The following ZMIZ2 variants were observed in gnomAD, a reference collection of about 807,000 sequenced individuals.
ZMIZ2 encodes the protein zinc finger MIZ-type containing 2, also known as zinc finger MIZ domain-containing protein 2.
ZMIZ2 carries 26 observed loss-of-function variants against 93.9 expected under a neutral mutation model. The ratio of observed to expected loss-of-function variants is 0.28; its 90% CI spans 0.20 to 0.38. ZMIZ2 has a LOEUF of 0.38. Among genes scored for constraint, ZMIZ2 ranks in the 10% least tolerant of loss-of-function variants. The pLI is 1.00. For missense variants in ZMIZ2, 1,023 were observed against 1,235.0 expected (o/e 0.83, Z 2.57); for synonymous variants, 485 against 516.4 (o/e 0.94, Z 0.82).
intron 11 of ZMIZ2, 61 bp from the exon 12 acceptor site, chr7:44,762,820 A>C: frequency 1.5e-6 from 2 of 1,326,128 alleles, no homozygotes; most frequent in Non-Finnish European, 2.0e-6. Context: ...CACACCCTTT[A>C]CCTGGCCAGG....
chr7:44,760,339 A>G (rs1161366441), intron 8 of ZMIZ2, 86 bp from the exon 9 acceptor site: 1 of 1,576,888 alleles, frequency 6.3e-7, no homozygotes, highest in Non-Finnish European at 8.6e-7. Context: ...CTCTGTTATC[A>G]TGGTTCCCAG....
Position 44,760,229 on chromosome 7 carries a change from G to A in ZMIZ2, c.1071+1G>A. 6.2e-7 allele frequency: 1 copy of A among 1,611,178 alleles called. No homozygotes were observed. Among genetic ancestry groups the A allele is most frequent in the Non-Finnish European group, 8.5e-7 (1 of 1,178,560 alleles). On this transcript the variant is annotated splice_donor_variant, in intron 8 of 18. Coordinates refer to ENST00000309315, the MANE Select transcript of ZMIZ2 (RefSeq NM_031449.4). LOFTEE classifies it high-confidence loss of function. ...CTACAGCCAACCTGGCCTGAGTGGG[G>A]TAGGGGGCCTGGCCGGGAGGATGGG...
In ZMIZ2 at chr7:44,756,519, G is replaced by A. The variant is rs918274345; in HGVS notation, c.145G>A (p.Gly49Ser). Residue 49 changes from glycine to serine, a missense_variant, in exon 3 of 19, where the codon GGC (glycine) becomes AGC (serine). Physicochemically the swap from Gly to Ser is moderately conservative, Grantham distance 56 (BLOSUM62 0). Coordinates refer to ENST00000309315, the MANE Select transcript of ZMIZ2 (RefSeq NM_031449.4). ...LSVVTTVWGV[G>S]NATQSQVLGN... ...TGTGGTCACTACTGTGTGGGGAGTT[G>A]GCAACGCGACACAGAGCCAGGTAAG... The A allele has an allele frequency of 4.3e-6, 7 of 1,614,032 alleles. No individual in the cohort carries two copies. Among genetic ancestry groups the A allele is most frequent in the South Asian group, 1.1e-5 (1 of 91,082 alleles).
chr7:44,766,232 C>A lies in ZMIZ2; in HGVS notation c.2311C>A (p.Leu771Ile). 6.2e-7 allele frequency: 1 copy of A among 1,605,716 alleles called. No homozygotes were observed. Among genetic ancestry groups the A allele is most frequent in the Non-Finnish European group, 8.5e-7 (1 of 1,175,104 alleles). ...FPPTTPSTPT[L>I]AEFTPGPPPI... is the part of the protein sequence containing the mutation. The stretch of plus-strand genomic sequence containing the variant: ...ACCCACCACGCCCAGCACCCCAACC[C>A]TTGCTGAGTTCACCCCGGGACCACC... Residue 771 changes from leucine to isoleucine, a missense_variant, in exon 17 of 19, where the codon CTT becomes ATT. Around this residue, in one of 3 missense-constraint regions of ZMIZ2, gnomAD observed 319 missense variants for 358.8 expected, o/e 0.89. Transcript: ENST00000309315. This position sits in a 1 kb window ranked among gnomAD's most constrained non-coding sequence, Gnocchi z 4.4.
intron 1 of ZMIZ2, among the ~76,000 whole-genome samples, chr7:44,750,180 T>A (rs1304512597): frequency 6.6e-6 from 1 of 152,198 alleles, no homozygotes; most frequent in Non-Finnish European, 1.5e-5. Context: ...AGTCCTAGGA[T>A]GCTACCAGAT....
At chr7:44,755,163 C>T (rs764722474) in intron 1 of ZMIZ2, among the ~76,000 whole-genome samples, 13 of 152,290 alleles carry the variant, frequency 8.5e-5, no homozygotes, top group Admixed American at 3.3e-4. Context: ...GTCCTGCATG[C>T]GTCCTCCCTG....
At chr7:44,759,835 T>A (rs1790985896) in intron 7 of ZMIZ2, 1 of 477,042 alleles carries the variant, frequency 2.1e-6, no homozygotes, top group East Asian at 4.0e-5. Flanking sequence ...GGACAGGCCC[T>A]CGCTGCTGGC....
At position 44,763,647 on chromosome 7, in the gene ZMIZ2, CAT is replaced by C. The variant is rs1238645051; in HGVS notation, c.1860+235_1860+236del. ...TAACTTTTTTACTGCCTGCTTCATT[CAT>C]GGGTTCAAGTTTTGAAAGGCATAAG... On this transcript the variant is annotated intron_variant, in intron 13 of 18. Coordinates refer to ENST00000309315, the MANE Select transcript of ZMIZ2 (RefSeq NM_031449.4). This position sits in a 1 kb window ranked among gnomAD's most constrained non-coding sequence, Gnocchi z 5.6. The C allele has an allele frequency of 1.1e-5, 6 of 570,016 alleles. No individual in the cohort carries two copies. The highest frequency in any genetic ancestry group is 1.5e-5 in the Non-Finnish European group (5 of 331,582). 35.3% of individuals were successfully genotyped at this position (570,016 alleles called of 1,614,324 possible).
Position 44,763,271 on chromosome 7 carries a change from G to A in ZMIZ2, c.1718G>A (p.Ser573Asn), listed in dbSNP as rs189007540. Residue 573 changes from serine (S) to asparagine (N), a missense_variant, in exon 13 of 19, where the codon AGC becomes AAC. Physicochemically the swap from Ser to Asn is conservative, Grantham distance 46. This residue lies in a region of ZMIZ2 where 656 missense variants were observed against 777.1 expected (regional missense o/e 0.84). Coordinates refer to ENST00000309315, the MANE Select transcript of ZMIZ2 (RefSeq NM_031449.4). The surrounding 1 kb of genome is among the most constrained non-coding windows in gnomAD (Gnocchi z 5.6). ...TTGATGTCAGTAAAGCGGAACTTCA[G>A]CAGCGGCACCATCCCTGGCACCCCT... ...HCITKIKRNFSSGTIPGTPGP... is the reference protein window; with the variant it reads ...HCITKIKRNFNSGTIPGTPGP... The A allele has an allele frequency of 9.7e-4, 1,565 of 1,613,976 alleles. No individual in the cohort carries two copies. The highest frequency in any genetic ancestry group is 1.2e-3 in the Non-Finnish European group (1,434 of 1,179,968).
rs1562754111 is a variant in ZMIZ2, at chr7:44,767,743, C to T, written c.*120C>T. The T allele has an allele frequency of 1.2e-6, 1 of 864,720 alleles. No homozygotes were observed. Among genetic ancestry groups the T allele is most frequent in the South Asian group, 1.5e-5 (1 of 65,044 alleles). 53.6% of individuals were successfully genotyped at this position (864,720 alleles called of 1,614,324 possible). ...TTCCCAAACCTCCCCCAAAACACAC[C>T]TGGAGCCAGAGCCTTCTGCCGCCAG... On this transcript the variant is annotated 3_prime_UTR_variant, in exon 19 of 19. Coordinates refer to ENST00000309315, the MANE Select transcript of ZMIZ2 (RefSeq NM_031449.4).
Position 44,765,703 on chromosome 7 carries a change from GC to G in ZMIZ2, c.2242+126del. ...GTCACACACCTAGGTTATCAGTGTTGCCACACAAAACATGCCGCGGGGCACC... is the reference window on the plus strand; with the variant it reads ...GTCACACACCTAGGTTATCAGTGTTGCACACAAAACATGCCGCGGGGCACC... On this transcript the variant is annotated intron_variant, in intron 16 of 18. Coordinates refer to ENST00000309315, the MANE Select transcript of ZMIZ2 (RefSeq NM_031449.4). The surrounding 1 kb of genome is among the most constrained non-coding windows in gnomAD (Gnocchi z 4.1). 1 of 1,413,486 alleles carries G rather than the reference GC, an allele frequency of 7.1e-7. No individual in the cohort carries two copies. The highest frequency in any genetic ancestry group is 9.5e-7 in the Non-Finnish European group (1 of 1,054,510). The allele number at this position is 1,413,486 out of a possible 1,614,324, so 87.6% of individuals were successfully genotyped here. A position where few individuals can be genotyped will look rare whatever the true frequency, so the allele number is the denominator to read the frequency against.
intron 1 of ZMIZ2, among the ~76,000 whole-genome samples, chr7:44,749,420 C>G (rs987529288): frequency 3.3e-5 from 5 of 152,216 alleles, no homozygotes; most frequent in South Asian, 4.1e-4. Flanking sequence ...CCCCTCCGCT[C>G]CTACTTACGT....
At chr7:44,750,020 A>AC (rs1790001934) in intron 1 of ZMIZ2, 1 of 152,188 alleles carries the variant, frequency 6.6e-6, no homozygotes, top group South Asian at 2.1e-4. Flanking sequence ...GGGGATAGTT[A>AC]CAAGCTGGAA....
At position 44,748,858 on chromosome 7, in the gene ZMIZ2, G is replaced by A. The variant is rs1378666512; in HGVS notation, c.-196G>A. ...GCGGCGGCGGCTCCATTGTGCCCTC[G>A]GAGCGGGCGGCGGCGCGATGGCGCG... is the stretch of plus-strand genomic sequence containing the variant. On this transcript the variant is annotated 5_prime_UTR_variant, in exon 1 of 19. Transcript: ENST00000309315. 1 of 148,880 alleles carries A rather than the reference G, an allele frequency of 6.7e-6. No individual in the cohort carries two copies. Among genetic ancestry groups the A allele is most frequent in the African/African-American group, 2.4e-5 (1 of 40,962 alleles). 9.2% of individuals were successfully genotyped at this position (148,880 alleles called of 1,614,324 possible). A position where few individuals can be genotyped will look rare whatever the true frequency, so the allele number is the denominator to read the frequency against.
At chr7:44,760,999 T>G (rs982274123) in intron 9 of ZMIZ2, among the ~76,000 whole-genome samples, 58 of 152,264 alleles carry the variant, frequency 3.8e-4, no homozygotes, top group African/African-American at 1.3e-3. Flanking sequence ...TGTATATAAT[T>G]TCAGGGGATT....
At chr7:44,762,178 G>A (rs191648134) in intron 11 of ZMIZ2, among the ~76,000 whole-genome samples, 148 of 152,362 alleles carry the variant, frequency 9.7e-4, no homozygotes, top group Admixed American at 1.9e-3. Flanking sequence ...AGAAAAATGC[G>A]TTGCTTCTCT....
chr7:44,758,913 C>CAA (rs898517700), intron 6 of ZMIZ2, among the ~76,000 whole-genome samples: 3 of 77,404 alleles, frequency 3.9e-5, no homozygotes, highest in African/African-American at 1.5e-4. Context: ...GACTCCATCT[C>CAA]AAAAAAAAAA....
At chr7:44,750,554 A>G (rs1790049254) in intron 1 of ZMIZ2, among the ~76,000 whole-genome samples, 1 of 152,222 alleles carries the variant, frequency 6.6e-6, no homozygotes, top group Non-Finnish European at 1.5e-5. Flanking sequence ...GTTGCCTGCC[A>G]CAGGGCCCAC....
intron 7 of ZMIZ2, 108 bp downstream of exon 7, chr7:44,759,568 C>A: frequency 1.8e-6 from 2 of 1,086,980 alleles, no homozygotes; most frequent in Non-Finnish European, 2.4e-6. Context: ...GCTAAAGGGG[C>A]CAGCAGGATG....
Sources: gnomAD v4.1 joint callset for allele counts (sites outside exome capture counted in the v4.1 genomes callset) on GRCh38, gnomAD v4.1.1 for gene constraint, gnomAD v4.1.1 regional missense constraint, Gnocchi (gnomAD v3.1) non-coding constraint, MANE v1.5 for transcripts, NCBI Gene and HGNC (gene_info 2026-07-23, HGNC 2026-07-21) for gene names.